SLC15A5: variants seen among roughly 807,000 people sequenced by gnomAD.
The protein encoded by SLC15A5 is solute carrier family 15 member 5.
In SLC15A5, 58 loss-of-function variants were observed where a neutral mutation model predicts 56.1. The ratio of observed to expected loss-of-function variants is 1.03; its 90% confidence interval spans 0.84 to 1.29. SLC15A5 has a LOEUF of 1.29. Ranked by LOEUF, SLC15A5 falls within the 50% of genes most tolerant of loss-of-function variation. The pLI, the probability that SLC15A5 is intolerant of heterozygous loss-of-function variation, is 0.00. For missense variants in SLC15A5, 681 were observed against 672.1 expected, an observed-to-expected ratio of 1.01 and a Z score of -0.15; for synonymous variants, 264 against 250.5, an observed-to-expected ratio of 1.05 and a Z score of -0.51.
chr12:16,260,571 A>G (rs930940236), intron 2 of SLC15A5, among the ~76,000 whole-genome samples: 3 of 151,856 alleles, frequency 2.0e-5, no homozygotes, highest in Non-Finnish European at 2.9e-5. Context: ...TCTGTCAGAT[A>G]CATGTTCTAC....
intron 7 of SLC15A5, among the ~76,000 whole-genome samples, chr12:16,205,590 T>TACACACAC (rs58581207): frequency 1.6e-4 from 9 of 57,146 alleles, no homozygotes; most frequent in African/African-American, 2.7e-4. Flanking sequence ...CATATATATA[T>TACACACAC]ACATATACAC....
chr12:16,194,288 C>A, intron 8 of SLC15A5, 57 bp downstream of exon 8: 1 of 1,137,676 alleles, frequency 8.8e-7, no homozygotes, highest in Non-Finnish European at 1.3e-6. Flanking sequence ...AGTGATGGTT[C>A]CCAGACCAAT....
chr12:16,251,797 G>GA (rs57374458), intron 3 of SLC15A5, among the ~76,000 whole-genome samples: 152,061 of 152,062 alleles, frequency 1, 76,030 homozygotes, highest in Middle Eastern at 1. Flanking sequence ...TCTAAAAAGA[G>GA]AAACATTCCC....
chr12:16,265,002 C>G (rs1286505967), intron 2 of SLC15A5, among the ~76,000 whole-genome samples: 1 of 152,118 alleles, frequency 6.6e-6, no homozygotes. Context: ...GAAGTGTGGT[C>G]CAGGTTATTT....
intron 3 of SLC15A5, among the ~76,000 whole-genome samples, chr12:16,248,900 C>T (rs1405369910): frequency 2.0e-5 from 3 of 151,962 alleles, no homozygotes; most frequent in Non-Finnish European, 4.4e-5. Context: ...ACACACCAGG[C>T]GTGCACATTT....
intron 5 of SLC15A5, among the ~76,000 whole-genome samples, chr12:16,227,164 C>G (rs988880737): frequency 6.6e-6 from 1 of 152,036 alleles, no homozygotes; most frequent in Non-Finnish European, 1.5e-5. Flanking sequence ...TAATTTATTA[C>G]TATTTTAAAT....
rs1420495714 is a variant in SLC15A5, at chr12:16,235,882, GT to G, written c.1162+3798del. Among the ~76,000 whole-genome samples, 1 of 152,154 alleles carries G rather than the reference GT, an allele frequency of 6.6e-6. No homozygotes were observed. Among genetic ancestry groups the G allele is most frequent in the African/African-American group, 2.4e-5 (1 of 41,442 alleles). On this transcript the variant is annotated intron_variant, in intron 5 of 8. Coordinates refer to ENST00000344941, the MANE Select transcript of SLC15A5 (RefSeq NM_001170798.1). This position sits in a 1 kb window ranked among gnomAD's most constrained non-coding sequence, Gnocchi z 4.1. ...ATACAACTGCAAGTTATTAGAACTA[GT>G]TGAGGTTACTGGTTATGTATACAGG... is the stretch of plus-strand genomic sequence containing the variant.
chr12:16,262,682 A>G (rs1217699707), intron 2 of SLC15A5, among the ~76,000 whole-genome samples: 1 of 152,104 alleles, frequency 6.6e-6, no homozygotes, highest in Non-Finnish European at 1.5e-5. Context: ...CCAAATCTCA[A>G]CTTGTAGCTC....
chr12:16,257,301 G>A (rs1864586447), intron 3 of SLC15A5, among the ~76,000 whole-genome samples: 1 of 152,140 alleles, frequency 6.6e-6, no homozygotes, highest in Admixed American at 6.5e-5. Context: ...ACCCGGGTGA[G>A]AAGAAGAAAA....
intron 4 of SLC15A5, among the ~76,000 whole-genome samples, chr12:16,241,704 C>T (rs971475652): frequency 6.6e-6 from 1 of 152,150 alleles, no homozygotes; most frequent in African/African-American, 2.4e-5. Context: ...GTGCTGGCAG[C>T]GGAACAACTC....
At position 16,189,438 on chromosome 12, in the gene SLC15A5, C is replaced by A; in HGVS notation, c.*230G>T. ...CATTTTTTTTGTCATAGAGTAATCACTGAGACTTTGAAATTATTTTATTAA... is the reference window on the plus strand; with the variant it reads ...CATTTTTTTTGTCATAGAGTAATCAATGAGACTTTGAAATTATTTTATTAA... On this transcript the variant is annotated 3_prime_UTR_variant, in exon 9 of 9. Coordinates refer to ENST00000344941, the MANE Select transcript of SLC15A5 (RefSeq NM_001170798.1). 1 of 310,600 alleles carries A rather than the reference C, an allele frequency of 3.2e-6. No individual in the cohort carries two copies. Among genetic ancestry groups the A allele is most frequent in the Non-Finnish European group, 5.6e-6 (1 of 176,994 alleles). The allele number at this position is 310,600 out of a possible 1,614,324, so 19.2% of individuals were successfully genotyped here. A position where few individuals can be genotyped will look rare whatever the true frequency, so the allele number is the denominator to read the frequency against.
intron 6 of SLC15A5, among the ~76,000 whole-genome samples, chr12:16,218,383 G>C (rs1349975374): frequency 1.3e-5 from 2 of 152,140 alleles, no homozygotes; most frequent in Non-Finnish European, 2.9e-5. Flanking sequence ...AAAAAGAAAA[G>C]TGATGATAGA....
chr12:16,244,204 T>C (rs1864439654), intron 4 of SLC15A5, among the ~76,000 whole-genome samples: 1 of 152,166 alleles, frequency 6.6e-6, no homozygotes, highest in Non-Finnish European at 1.5e-5. Context: ...TTAGTACCAC[T>C]TTCTAAAGGT....
intron 8 of SLC15A5, among the ~76,000 whole-genome samples, chr12:16,192,957 TA>T (rs1185256421): frequency 1.5e-4 from 23 of 152,116 alleles, no homozygotes; most frequent in African/African-American, 5.1e-4. Context: ...GTATAGCATG[TA>T]AATTGTGAAA....
At chr12:16,208,826 C>T (rs965477932) in intron 7 of SLC15A5, among the ~76,000 whole-genome samples, 1 of 152,076 alleles carries the variant, frequency 6.6e-6, no homozygotes, top group African/African-American at 2.4e-5. Flanking sequence ...GGAGGTATGT[C>T]CTCAATATTG....
chr12:16,255,734 T>C (rs1465778082), intron 3 of SLC15A5, among the ~76,000 whole-genome samples: 2 of 152,014 alleles, frequency 1.3e-5, no homozygotes, highest in Non-Finnish European at 2.9e-5. Flanking sequence ...AAATAAATGA[T>C]AGTTTGTTAC....
chr12:16,264,754 A>G (rs1227185657), intron 2 of SLC15A5, among the ~76,000 whole-genome samples: 1 of 152,194 alleles, frequency 6.6e-6, no homozygotes, highest in African/African-American at 2.4e-5. Context: ...GGTTTTAAAA[A>G]GGGGAGTTTC....
intron 7 of SLC15A5, among the ~76,000 whole-genome samples, chr12:16,206,213 C>T (rs958841624): frequency 1.4e-4 from 21 of 152,238 alleles, no homozygotes; most frequent in East Asian, 3.9e-4. Context: ...ATTTGGACAA[C>T]GTATGCAACT....
At chr12:16,261,055 T>C (rs1023038479) in intron 2 of SLC15A5, among the ~76,000 whole-genome samples, 15 of 152,170 alleles carry the variant, frequency 9.9e-5, no homozygotes, top group African/African-American at 1.4e-4. Context: ...TTCTCTTGTT[T>C]TTTTTTTAAA....
Sources: gnomAD v4.1 joint callset for allele counts (sites outside exome capture counted in the v4.1 genomes callset) on GRCh38, gnomAD v4.1.1 for gene constraint, Gnocchi (gnomAD v3.1) non-coding constraint, MANE v1.5 for transcripts, NCBI Gene and HGNC (gene_info 2026-07-23, HGNC 2026-07-21) for gene names.